TRHDE: variants seen among roughly 807,000 people sequenced by gnomAD.
TRHDE encodes thyrotropin-releasing hormone-degrading ectoenzyme.
A neutral mutation model predicts 125.7 loss-of-function variants in TRHDE; 72 were observed. That is an observed-to-expected ratio of 0.57 (90% CI 0.47 to 0.70). TRHDE has a LOEUF of 0.70. TRHDE is among the 30% of genes least tolerant of loss of function. The probability of loss-of-function intolerance (pLI) is 0.00; values close to 1 mark genes in which losing one functional copy is unlikely to be tolerated. For missense variants in TRHDE, 1,110 were observed against 1,327.1 expected, an observed-to-expected ratio of 0.84 and a Z score of 2.54; for synonymous variants, 509 against 509.1, an observed-to-expected ratio of 1.00 and a Z score of 0.00.
At position 72,516,936 on chromosome 12, in the gene TRHDE, C is replaced by T. The variant is rs150650543; in HGVS notation, c.1722+17301C>T. Among the ~76,000 whole-genome samples the T allele has an allele frequency of 5.0e-3, 754 of 151,914 alleles. 1 individual carries two copies. Among genetic ancestry groups the T allele is most frequent in the Admixed American group, 0.013 (198 of 15,256 alleles). ...TTTTGTCTTTGGTTCTGTTTATATGCGGATTACATTTATTGATTTGCATAT... is the reference window on the plus strand; with the variant it reads ...TTTTGTCTTTGGTTCTGTTTATATGTGGATTACATTTATTGATTTGCATAT... On this transcript the variant is annotated intron_variant, in intron 6 of 18. Transcript: ENST00000261180.
chr12:72,640,428 C>G (rs540944155), intron 15 of TRHDE, among the ~76,000 whole-genome samples: 1 of 152,314 alleles, frequency 6.6e-6, no homozygotes, highest in African/African-American at 2.4e-5. Flanking sequence ...GAGATGAACC[C>G]GGTACCTCAG....
rs190613072 is a variant in TRHDE at position 72,465,272 on chromosome 12, A to G, written c.1316-4486A>G. Among the ~76,000 whole-genome samples, 845 of 152,116 alleles carry G rather than the reference A, an allele frequency of 5.6e-3. 3 individuals are homozygous for G. The highest frequency in any genetic ancestry group is 0.019 in the African/African-American group (773 of 41,494). ...ACAGTAAGCTGTCCATATTTAAAGTATGCAGTTTGGTGCCTTAACACATGT... is the reference window on the plus strand; with the variant it reads ...ACAGTAAGCTGTCCATATTTAAAGTGTGCAGTTTGGTGCCTTAACACATGT... On this transcript the variant is annotated intron_variant, in intron 3 of 18. Coordinates refer to ENST00000261180, the MANE Select transcript of TRHDE (RefSeq NM_013381.3).
chr12:72,341,119 A>G (rs1461908125), intron 2 of TRHDE, among the ~76,000 whole-genome samples: 1 of 147,830 alleles, frequency 6.8e-6, no homozygotes, highest in Non-Finnish European at 1.5e-5. Context: ...CTATTCTATC[A>G]GGCTTTCCTT....
intron 2 of TRHDE, among the ~76,000 whole-genome samples, chr12:72,113,211 G>A (rs891133260): frequency 6.6e-6 from 1 of 151,746 alleles, no homozygotes; most frequent in African/African-American, 2.4e-5. Flanking sequence ...TAGAGAGAGG[G>A]TTTTGCCATG....
intron 6 of TRHDE, among the ~76,000 whole-genome samples, chr12:72,527,214 T>C (rs991995062): frequency 6.6e-6 from 1 of 152,166 alleles, no homozygotes; most frequent in African/African-American, 2.4e-5. Context: ...GGCTCCTCCA[T>C]TCCTGATTCC....
At chr12:72,230,269 C>T (rs190636899) in intron 2 of TRHDE, among the ~76,000 whole-genome samples, 11 of 152,260 alleles carry the variant, frequency 7.2e-5, no homozygotes, top group East Asian at 3.9e-4. Context: ...TCACTATTAA[C>T]GATACCACCA....
chr12:72,225,602 G>T (rs941959156), intron 2 of TRHDE, among the ~76,000 whole-genome samples: 1 of 152,138 alleles, frequency 6.6e-6, no homozygotes, highest in African/African-American at 2.4e-5. Flanking sequence ...TTGTATAAAA[G>T]GTGAGTTATT....
chr12:72,144,622 G>T (rs1397729927), intron 2 of TRHDE, among the ~76,000 whole-genome samples: 1 of 152,088 alleles, frequency 6.6e-6, no homozygotes, highest in Admixed American at 6.5e-5. Context: ...TGTTTTCCAT[G>T]AAGTCCCTGG....
intron 8 of TRHDE, 24 bp downstream of exon 8, chr12:72,562,254 T>G (rs1310176354): frequency 1.0e-5 from 13 of 1,293,564 alleles, no homozygotes; most frequent in Non-Finnish European, 1.4e-5. Context: ...AGCTTAAATA[T>G]CAAAACCTCT....
chr12:72,644,549 G>A (rs779156718), intron 15 of TRHDE, among the ~76,000 whole-genome samples: 23 of 152,204 alleles, frequency 1.5e-4, no homozygotes, highest in Non-Finnish European at 2.5e-4. Context: ...GTGCTTCAAC[G>A]TTTCTGGTGC....
intron 6 of TRHDE, among the ~76,000 whole-genome samples, chr12:72,535,439 G>A (rs144185249): frequency 0.021 from 3,195 of 152,142 alleles, 52 homozygotes; most frequent in Non-Finnish European, 0.03. Flanking sequence ...TAGAGGCTTG[G>A]CCTCAGGAAG....
intron 6 of TRHDE, among the ~76,000 whole-genome samples, chr12:72,527,547 T>C (rs1414376098): frequency 1.3e-5 from 2 of 148,734 alleles, no homozygotes; most frequent in Admixed American, 6.7e-5. Flanking sequence ...TCGCAGTCTC[T>C]CAAAAGGGAA....
chr12:72,361,669 G>A (rs986001878), intron 2 of TRHDE, among the ~76,000 whole-genome samples: 6 of 149,242 alleles, frequency 4.0e-5, no homozygotes, highest in African/African-American at 9.8e-5. Context: ...CCATTAACTC[G>A]TCATTTAGCA....
chr12:72,205,446 A>G (rs1219129976), intron 2 of TRHDE, among the ~76,000 whole-genome samples: 2 of 152,106 alleles, frequency 1.3e-5, no homozygotes, highest in East Asian at 1.9e-4. Flanking sequence ...ATCATTGTAC[A>G]GCAGATCTCT....
chr12:72,398,404 G>A (rs968401404), intron 3 of TRHDE, among the ~76,000 whole-genome samples: 18 of 152,050 alleles, frequency 1.2e-4, no homozygotes, highest in Non-Finnish European at 2.1e-4. Context: ...CTGAGGAATC[G>A]CCACTTTTTG....
chr12:72,599,377 G>A (rs1174770369), intron 12 of TRHDE, among the ~76,000 whole-genome samples: 1 of 151,966 alleles, frequency 6.6e-6, no homozygotes, highest in Non-Finnish European at 1.5e-5. Context: ...ACAGCTTCAT[G>A]AGCATCTACT....
chr12:72,411,268 A>C (rs1342657457), intron 3 of TRHDE, among the ~76,000 whole-genome samples: 4 of 151,868 alleles, frequency 2.6e-5, no homozygotes, highest in African/African-American at 7.2e-5. Context: ...TCTATATAGA[A>C]CATCAAAGAG....
intron 10 of TRHDE, among the ~76,000 whole-genome samples, chr12:72,570,578 CAAAAAAAAAAAAAAA>C (rs572094533): frequency 1.7e-5 from 1 of 58,456 alleles, no homozygotes; most frequent in Non-Finnish European, 4.8e-5. Context: ...GAGACTGTCT[CAAAAAAAAAAAAAAA>C]AAAAAAAAAA....
chr12:72,343,282 T>C (rs1483895493), intron 2 of TRHDE, among the ~76,000 whole-genome samples: 2 of 151,910 alleles, frequency 1.3e-5, no homozygotes, highest in African/African-American at 2.4e-5. Context: ...CATACTCAAC[T>C]CCACACATAC....
Sources: gnomAD v4.1 joint callset for allele counts (sites outside exome capture counted in the v4.1 genomes callset) on GRCh38, gnomAD v4.1.1 for gene constraint, MANE v1.5 for transcripts, NCBI Gene and HGNC (gene_info 2026-07-23, HGNC 2026-07-21) for gene names.